Variants in SCAF4 observed in about 807,000 individuals in gnomAD.
The protein encoded by SCAF4 is SR-related CTD associated factor 4.
SCAF4 carries 25 observed loss-of-function variants against 129.8 expected under a neutral mutation model. The ratio of observed to expected loss-of-function variants is 0.19; its 90% confidence interval spans 0.14 to 0.27. The LOEUF (loss-of-function observed/expected upper bound fraction) is 0.27, where lower values mean the gene tolerates loss of function less well. Ranked by LOEUF, SCAF4 falls within the 10% of genes least tolerant of loss-of-function variation. SCAF4 has a pLI of 1.00. For synonymous variants in SCAF4, 551 were observed against 497.7 expected, an observed-to-expected ratio of 1.11 and a Z score of -1.43; for missense variants, 1,246 against 1,457.1, an observed-to-expected ratio of 0.86 and a Z score of 2.36.
chr21:31,690,880 T>C lies in SCAF4; in HGVS notation c.1802A>G (p.Tyr601Cys), dbSNP rs546557932. ...QYWDVELGVT[Y>C]IPWDKVKPEE... ...AGGCTTGACTTTGTCCCATGGAATA[T>C]AAGTAACACCAAGTTCTACATCCCA... Residue 601 changes from tyrosine to cysteine, a missense_variant, in exon 15 of 20, where the codon TAT becomes TGT. Tyr to Cys is a radical substitution (Grantham distance 194). Coordinates refer to ENST00000286835, the MANE Select transcript of SCAF4 (RefSeq NM_020706.2). The C allele has an allele frequency of 1.9e-6, 3 of 1,613,726 alleles. No individual in the cohort carries two copies. The highest frequency in any genetic ancestry group is 2.5e-6 in the Non-Finnish European group (3 of 1,179,750).
chr21:31,680,590 T>A (rs2049973185), intron 19 of SCAF4, among the ~76,000 whole-genome samples: 1 of 152,214 alleles, frequency 6.6e-6, no homozygotes, highest in South Asian at 2.1e-4. Context: ...TAATTTAATG[T>A]AACCAAACAT....
intron 16 of SCAF4, among the ~76,000 whole-genome samples, 191 bp from the exon 17 acceptor site, chr21:31,685,924 C>T (rs533575210): frequency 2.0e-5 from 3 of 152,092 alleles, no homozygotes; most frequent in East Asian, 3.9e-4. Flanking sequence ...AGCTGTGGGC[C>T]GGGTGTGGTG....
rs201235461 is a variant in SCAF4, at chr21:31,671,886, T to C, written c.2957A>G (p.Asp986Gly). Reference protein sequence around the residue: ...TQQQPQQFRNDNRQQFNSGRD... With the variant: ...TQQQPQQFRNGNRQQFNSGRD... Reference sequence around the variant, plus strand: ...ACCTGAATTGAACTGCTGCCTGTTATCATTTCTAAACTGCTGTGGCTGCTG... The same window carrying C: ...ACCTGAATTGAACTGCTGCCTGTTACCATTTCTAAACTGCTGTGGCTGCTG... The change falls in exon 20 of 20, where the codon GAT becomes GGT. Residue 986 changes from aspartate (D) to glycine (G), a missense_variant. Asp to Gly is a moderately conservative substitution (Grantham distance 94, BLOSUM62 -1). This residue lies in a region of SCAF4 where 339 missense variants were observed against 325.0 expected (regional missense o/e 1.04). Coordinates refer to ENST00000286835, the MANE Select transcript of SCAF4 (RefSeq NM_020706.2). 3 of 1,614,190 alleles carry C rather than the reference T, an allele frequency of 1.9e-6. No individual in the cohort carries two copies. Among genetic ancestry groups the C allele is most frequent in the African/African-American group, 1.3e-5 (1 of 75,044 alleles).
At chr21:31,702,054 T>A (rs2050545908) in intron 5 of SCAF4, 136 bp from the exon 6 acceptor site, 3 of 1,248,572 alleles carry the variant, frequency 2.4e-6, no homozygotes, top group East Asian at 2.5e-5. Flanking sequence ...CTAGAGTTTA[T>A]ACTGTAACAA....
chr21:31,732,042 G>A lies in SCAF4; in HGVS notation c.-350C>T, dbSNP rs1343631000. 1 of 430,048 alleles carries A rather than the reference G, an allele frequency of 2.3e-6. No homozygotes were observed. Among genetic ancestry groups the A allele is most frequent in the Admixed American group, 4.4e-5 (1 of 22,682 alleles). 26.6% of individuals were successfully genotyped at this position (430,048 alleles called of 1,614,324 possible). ...ACTGGCTCACACTGGCCCGGCCGGCGAGCGGGCGGGCCTCTCTCTCCCTCT... is the reference window on the plus strand; with the variant it reads ...ACTGGCTCACACTGGCCCGGCCGGCAAGCGGGCGGGCCTCTCTCTCCCTCT... On this transcript the variant is annotated 5_prime_UTR_variant, in exon 1 of 20. Coordinates refer to ENST00000286835, the MANE Select transcript of SCAF4 (RefSeq NM_020706.2).
At chr21:31,720,458 T>C (rs1311518862) in intron 1 of SCAF4, among the ~76,000 whole-genome samples, 1 of 152,224 alleles carries the variant, frequency 6.6e-6, no homozygotes, top group Non-Finnish European at 1.5e-5. Flanking sequence ...CTTGCTACCA[T>C]GCTTCAGACG....
At chr21:31,694,739 A>G in intron 10 of SCAF4, 74 bp downstream of exon 10, 1 of 1,420,348 alleles carries the variant, frequency 7.0e-7, no homozygotes, top group Non-Finnish European at 9.9e-7. Context: ...GAAGACAGCA[A>G]GCAAATAAGG....
chr21:31,673,314 GA>G (rs1300680928), intron 19 of SCAF4, among the ~76,000 whole-genome samples: 1 of 152,148 alleles, frequency 6.6e-6, no homozygotes, highest in Non-Finnish European at 1.5e-5. Context: ...TACTATGATT[GA>G]AAGGAGTTAT....
intron 1 of SCAF4, among the ~76,000 whole-genome samples, chr21:31,724,317 A>T (rs2051148817): frequency 6.6e-6 from 1 of 152,120 alleles, no homozygotes; most frequent in South Asian, 2.1e-4. Flanking sequence ...TTTAACTATT[A>T]CCCACCTCTA....
chr21:31,707,493 G>A (rs1298025193), intron 1 of SCAF4, among the ~76,000 whole-genome samples: 1 of 152,148 alleles, frequency 6.6e-6, no homozygotes, highest in East Asian at 1.9e-4. Flanking sequence ...AGTCCATAGA[G>A]GGTTATAAAG....
At position 31,701,083 on chromosome 21, in the gene SCAF4, A is replaced by T. The variant is rs1217604959; in HGVS notation, c.689T>A (p.Ile230Asn). 1 of 1,614,010 alleles carries T rather than the reference A, an allele frequency of 6.2e-7. No individual in the cohort carries two copies. The highest frequency in any genetic ancestry group is 1.7e-5 in the Admixed American group (1 of 60,008). ...AGGAGTTGTCTTTAACTGAGCTGTGATAGCCTGAACCTGAGCCATCACAGC... is the reference window on the plus strand; with the variant it reads ...AGGAGTTGTCTTTAACTGAGCTGTGTTAGCCTGAACCTGAGCCATCACAGC... ...DNAVMAQVQA[I>N]TAQLKTTPTQ... Residue 230 changes from isoleucine to asparagine, a missense_variant, in exon 7 of 20, where the codon ATC (isoleucine) becomes AAC (asparagine). Physicochemically the swap from Ile to Asn is moderately radical, Grantham distance 149 (BLOSUM62 -3). This residue lies in a region of SCAF4 where 143 missense variants were observed against 161.0 expected (regional missense o/e 0.89). Coordinates refer to ENST00000286835, the MANE Select transcript of SCAF4 (RefSeq NM_020706.2).
At chr21:31,686,628 C>G (rs1339699371) in intron 16 of SCAF4, among the ~76,000 whole-genome samples, 1 of 152,068 alleles carries the variant, frequency 6.6e-6, no homozygotes, top group Non-Finnish European at 1.5e-5. Flanking sequence ...TAACAACCCC[C>G]CCAGCCACGG....
At chr21:31,684,400 G>T (rs1298934076) in intron 19 of SCAF4, 1 of 152,364 alleles carries the variant, frequency 6.6e-6, no homozygotes, top group Non-Finnish European at 1.5e-5. Context: ...CCTGCTTAAA[G>T]ATGTAAAAGA....
intron 19 of SCAF4, chr21:31,684,264 G>T (rs991894104): frequency 6.5e-6 from 1 of 153,220 alleles, no homozygotes; most frequent in Non-Finnish European, 1.5e-5. Flanking sequence ...CTTCCAGTTA[G>T]GGGATTCAAG....
At chr21:31,700,885 T>C in intron 7 of SCAF4, 110 bp downstream of exon 7, 1 of 1,225,682 alleles carries the variant, frequency 8.2e-7, no homozygotes, top group African/African-American at 1.5e-5. Context: ...ATCTCTCAAA[T>C]TACAAAACGA....
chr21:31,706,370 A>C lies in SCAF4; in HGVS notation c.31-13T>G, dbSNP rs1568851410. ...TAAGCGAAAAGAGCTTAAAAGACAAAAAACAAACAAAAAGTAAAGTTTAAC... is the reference window on the plus strand; with the variant it reads ...TAAGCGAAAAGAGCTTAAAAGACAACAAACAAACAAAAAGTAAAGTTTAAC... On this transcript the variant is annotated splice_polypyrimidine_tract_variant and intron_variant, in intron 1 of 19. Coordinates refer to ENST00000286835, the MANE Select transcript of SCAF4 (RefSeq NM_020706.2). The C allele has an allele frequency of 6.4e-7, 1 of 1,551,284 alleles. No individual in the cohort carries two copies. Among genetic ancestry groups the C allele is most frequent in the Non-Finnish European group, 8.8e-7 (1 of 1,133,266 alleles).
intron 19 of SCAF4, among the ~76,000 whole-genome samples, chr21:31,680,324 A>C (rs2123481042): frequency 6.6e-6 from 1 of 152,346 alleles, no homozygotes; most frequent in East Asian, 1.9e-4. Context: ...ATCCACGCCA[A>C]GTATTTGTTC....
chr21:31,731,613 C>G lies in SCAF4; in HGVS notation c.30+50G>C, dbSNP rs199964338. On this transcript the variant is annotated intron_variant, in intron 1 of 19. Transcript: ENST00000286835. ...ACCTCCGGCGGCGGGAGAAACGAGC[C>G]CCGGCTCCCGCAGCAGGCCCGGCAC... 4 of 1,577,782 alleles carry G rather than the reference C, an allele frequency of 2.5e-6. No homozygotes were observed. The South Asian group carries it at 3.4e-5, about 13-fold the overall frequency.
chr21:31,688,511 G>T (rs767813230), intron 15 of SCAF4, 47 bp from the exon 16 acceptor site: 1 of 1,493,820 alleles, frequency 6.7e-7, no homozygotes, highest in Admixed American at 1.8e-5. Flanking sequence ...TTTTCAGTTT[G>T]TAACTTTAAA....
Sources: gnomAD v4.1 joint callset for allele counts (sites outside exome capture counted in the v4.1 genomes callset) on GRCh38, gnomAD v4.1.1 for gene constraint, gnomAD v4.1.1 regional missense constraint, MANE v1.5 for transcripts, NCBI Gene and HGNC (gene_info 2026-07-23, HGNC 2026-07-21) for gene names.